The following TTC34 variants were observed in gnomAD, a reference collection of about 807,000 sequenced individuals.
The protein encoded by TTC34 is tetratricopeptide repeat protein 34.
In TTC34, 44 loss-of-function variants were observed where a neutral mutation model predicts 40.7. That is an observed-to-expected ratio of 1.08 (90% CI 0.85 to 1.39). The LOEUF is 1.39. Ranked by LOEUF, TTC34 falls within the 40% of genes most tolerant of loss-of-function variation. TTC34 has a pLI of 0.00. For missense variants in TTC34, 884 were observed against 838.0 expected (o/e 1.05, Z -0.68); for synonymous variants, 422 against 398.6 (o/e 1.06, Z -0.70).
At chr1:2,752,284 CTTG>C (rs1641346086) in intron 6 of TTC34, among the ~76,000 whole-genome samples, 1 of 39,524 alleles carries the variant, frequency 2.5e-5, no homozygotes, top group Non-Finnish European at 5.3e-5. Flanking sequence ...GGAACAGCAC[CTTG>C]CACCCCCAGG....
At chr1:2,773,363 G>C (rs4443834) in intron 6 of TTC34, among the ~76,000 whole-genome samples, 5,327 of 53,236 alleles carry the variant, frequency 0.1, 18 homozygotes, top group East Asian at 0.19. Context: ...TGGCAGCCTG[G>C]AGCAGCACCC....
chr1:2,685,164 C>G (rs200794152), intron 6 of TTC34, among the ~76,000 whole-genome samples: 1,488 of 10,876 alleles, frequency 0.14, 2 homozygotes, highest in East Asian at 0.22. Flanking sequence ...CACAACCCCA[C>G]GTGAGCATCT....
At chr1:2,800,793 C>T (rs1225086547) in exon 2 of TTC34, 7 of 398,582 alleles carry the variant, frequency 1.8e-5, no homozygotes, top group Non-Finnish European at 3.1e-5. Flanking sequence ...CCCCTCCCGG[C>T]AGAGGCAGGC....
chr1:2,772,887 GAACCCCA>G, intron 6 of TTC34, among the ~76,000 whole-genome samples: 2 of 85,410 alleles, frequency 2.3e-5, no homozygotes, highest in Non-Finnish European at 5.1e-5. Context: ...GCCTGGAGCA[GAACCCCA>G]CACCCCCAGG....
chr1:2,772,803 C>A (rs866861006), intron 6 of TTC34, among the ~76,000 whole-genome samples: 96 of 71,590 alleles, frequency 1.3e-3, no homozygotes, highest in African/African-American at 4.2e-3. Context: ...CATCCTGGAA[C>A]AGCACCCCAC....
chr1:2,682,132 G>C (rs1253225533), intron 6 of TTC34, among the ~76,000 whole-genome samples: 2 of 148,196 alleles, frequency 1.3e-5, no homozygotes, highest in African/African-American at 5.0e-5. Context: ...TGACAGCCTG[G>C]AACAGCACCC....
chr1:2,789,168 C>T (rs1194367399), intron 3 of TTC34, among the ~76,000 whole-genome samples: 1 of 152,092 alleles, frequency 6.6e-6, no homozygotes, highest in African/African-American at 2.4e-5. Context: ...GCGGTGCTGC[C>T]GGAAACACAT....
intron 6 of TTC34, among the ~76,000 whole-genome samples, chr1:2,750,971 A>C (rs1641300134): frequency 1.0e-4 from 12 of 115,390 alleles, no homozygotes; most frequent in South Asian, 3.1e-4. Context: ...CCACACCCCC[A>C]GGTGCGCATG....
chr1:2,645,098 G>A lies in TTC34; in HGVS notation c.2497+195C>T, dbSNP rs4074340. The stretch of plus-strand genomic sequence containing the variant: ...AGCAAAGAGCCACCCGGGTAAAGCA[G>A]AGGAGAGCCTTTTGAACGCCAGGCC... On this transcript the variant is annotated intron_variant, in intron 7 of 8. Transcript: ENST00000401095. The surrounding 1 kb of genome is among the most constrained non-coding windows in gnomAD (Gnocchi z 4.7). Among the ~76,000 whole-genome samples, 43 of 152,344 alleles carry A rather than the reference G, an allele frequency of 2.8e-4. No individual in the cohort carries two copies. The highest frequency in any genetic ancestry group is 1.0e-3 in the African/African-American group (42 of 41,578).
exon 3 of TTC34, chr1:2,790,044 G>A (rs565215502): frequency 2.5e-6 from 1 of 397,438 alleles, no homozygotes; most frequent in African/African-American, 2.1e-5. Flanking sequence ...GGCGCCAGGC[G>A]AAGCAGGACG....
At chr1:2,788,213 C>T (rs1257666494) in intron 3 of TTC34, among the ~76,000 whole-genome samples, 1 of 152,216 alleles carries the variant, frequency 6.6e-6, no homozygotes, top group Non-Finnish European at 1.5e-5. Context: ...AGCAGCAAAT[C>T]AAAGCCACGC....
At chr1:2,660,608 ATGGTCTGGAG>A (rs1639513357) in intron 6 of TTC34, among the ~76,000 whole-genome samples, 1 of 38,292 alleles carries the variant, frequency 2.6e-5, no homozygotes, top group Non-Finnish European at 5.8e-5. Context: ...TGAGCATCTG[ATGGTCTGGAG>A]CAGCACCCAC....
At chr1:2,772,998 G>C (rs1267766639) in intron 6 of TTC34, among the ~76,000 whole-genome samples, 1 of 134,220 alleles carries the variant, frequency 7.5e-6, no homozygotes, top group African/African-American at 2.7e-5. Flanking sequence ...GCATCTGACA[G>C]CCTGGAGCAG....
chr1:2,692,293 C>T (rs1248828165), intron 6 of TTC34, among the ~76,000 whole-genome samples: 1 of 73,056 alleles, frequency 1.4e-5, no homozygotes, highest in African/African-American at 4.5e-5. Context: ...CAGCCTGGAG[C>T]AGCAGGCACA....
intron 6 of TTC34, among the ~76,000 whole-genome samples, chr1:2,690,475 T>G (rs1640567958): frequency 8.1e-6 from 1 of 123,536 alleles, no homozygotes; most frequent in African/African-American, 2.9e-5. Flanking sequence ...GGTGAGCATC[T>G]GAAAGCCCGC....
intron 6 of TTC34, among the ~76,000 whole-genome samples, chr1:2,673,196 C>A (rs1639763743): frequency 2.7e-5 from 2 of 75,032 alleles, no homozygotes; most frequent in African/African-American, 4.4e-5. Flanking sequence ...GCACCCACAC[C>A]CACAGGTGAG....
intron 6 of TTC34, among the ~76,000 whole-genome samples, chr1:2,681,988 C>T (rs1339132622): frequency 8.0e-6 from 1 of 124,250 alleles, no homozygotes; most frequent in Non-Finnish European, 1.7e-5. Context: ...ACCCACACCC[C>T]CAGGTGAGCA....
At position 2,750,238 on chromosome 1, in the gene TTC34, C is replaced by A. The variant is rs1641270489; in HGVS notation, c.2226+33371G>T. On this transcript the variant is annotated intron_variant, in intron 6 of 8. Coordinates refer to ENST00000401095, the Ensembl canonical transcript of TTC34. The stretch of plus-strand genomic sequence containing the variant: ...CGCATCTGATGGTCTGGAGCAGCAC[C>A]CACACCCACAGGTGGGCATCTGACA... 5.3e-5 allele frequency among the ~76,000 whole-genome samples: 8 copies of A among 152,110 alleles called. No homozygotes were observed. In the South Asian group the frequency reaches 8.3e-4, roughly 16 times the overall value.
chr1:2,653,867 ATGGTCTGGAGCAG>A (rs1639240070), intron 6 of TTC34, among the ~76,000 whole-genome samples: 9 of 143,526 alleles, frequency 6.3e-5, no homozygotes, highest in South Asian at 2.2e-4. Context: ...TGAGCATCTG[ATGGTCTGGAGCAG>A]CACCCACACC....
Sources: allele counts gnomAD v4.1 joint callset (sites outside exome capture counted in the v4.1 genomes callset), GRCh38; gene constraint gnomAD v4.1.1; non-coding constraint Gnocchi (gnomAD v3.1); transcripts MANE v1.5; gene names NCBI Gene and HGNC (gene_info 2026-07-23, HGNC 2026-07-21).